The following OSTN variants were observed in gnomAD, a reference collection of about 807,000 sequenced individuals.
OSTN encodes the protein osteocrin.
In OSTN, 9 loss-of-function variants were observed where a neutral mutation model predicts 12.0. The ratio of observed to expected loss-of-function variants is 0.75; its 90% CI spans 0.45 to 1.30. OSTN has a LOEUF of 1.30. Among genes scored for constraint, OSTN ranks in the 50% most tolerant of loss-of-function variants. OSTN has a pLI of 0.00. For missense variants in OSTN, 148 were observed against 152.3 expected, an observed-to-expected ratio of 0.97 and a Z score of 0.15; for synonymous variants, 59 against 56.9, an observed-to-expected ratio of 1.04 and a Z score of -0.16.
In OSTN at chr3:191,264,613, G is replaced by A. The variant is rs1002399837; in HGVS notation, c.*1760G>A. On this transcript the variant is annotated 3_prime_UTR_variant, in exon 5 of 5. Coordinates refer to ENST00000682035, the MANE Select transcript of OSTN (RefSeq NM_198184.2). ...GGGAAGTATCCTGGAGGACTCAGGA[G>A]TTGAAAGAATTATTTAAGAAGTTGT... 3 of 152,146 alleles carry A rather than the reference G, an allele frequency of 2.0e-5. No homozygotes were observed. The highest frequency in any genetic ancestry group is 2.0e-4 in the Admixed American group (3 of 15,280). 9.4% of individuals were successfully genotyped at this position (152,146 alleles called of 1,614,324 possible).
At chr3:191,259,433 C>T (rs1036738767) in intron 4 of OSTN, among the ~76,000 whole-genome samples, 2 of 151,820 alleles carry the variant, frequency 1.3e-5, no homozygotes, top group African/African-American at 4.8e-5. Flanking sequence ...GAACTCGTGA[C>T]ATCATGATCC....
chr3:191,222,629 T>C (rs1576927878), intron 3 of OSTN, among the ~76,000 whole-genome samples: 1 of 152,214 alleles, frequency 6.6e-6, no homozygotes, highest in Admixed American at 6.5e-5. Flanking sequence ...AGTTAAGATT[T>C]TGTGGGACTG....
chr3:191,233,560 C>T (rs891887281), intron 3 of OSTN, among the ~76,000 whole-genome samples: 2 of 152,100 alleles, frequency 1.3e-5, no homozygotes, highest in Non-Finnish European at 2.9e-5. Context: ...CCTCAGCCTA[C>T]CAAGTAGCTG....
intron 2 of OSTN, among the ~76,000 whole-genome samples, chr3:191,216,748 AT>A (rs1714622141): frequency 6.6e-6 from 1 of 152,202 alleles, no homozygotes; most frequent in Non-Finnish European, 1.5e-5. Context: ...GTTCCCAACA[AT>A]TTCCTCATCT....
Position 191,265,486 on chromosome 3 carries a change from C to T in OSTN, c.*2633C>T, listed in dbSNP as rs142577039. The stretch of plus-strand genomic sequence containing the variant: ...CTTAAACCAAATTATGAAAAAATAA[C>T]TTAATGGAATCTTCTAAAAGGAAAA... On this transcript the variant is annotated 3_prime_UTR_variant, in exon 5 of 5. Coordinates refer to ENST00000682035, the MANE Select transcript of OSTN (RefSeq NM_198184.2). 2.0e-5 allele frequency: 3 copies of T among 152,280 alleles called. No homozygotes were observed. The highest frequency in any genetic ancestry group is 4.8e-5 in the African/African-American group (2 of 41,574). 9.4% of individuals were successfully genotyped at this position (152,280 alleles called of 1,614,324 possible).
At chr3:191,219,844 C>G (rs186685442) in intron 3 of OSTN, among the ~76,000 whole-genome samples, 1 of 152,124 alleles carries the variant, frequency 6.6e-6, no homozygotes, top group Non-Finnish European at 1.5e-5. Flanking sequence ...TTCATTAAGG[C>G]TTTTCTAATT....
At chr3:191,210,474 C>T (rs1164549497) in intron 1 of OSTN, among the ~76,000 whole-genome samples, 1 of 152,216 alleles carries the variant, frequency 6.6e-6, no homozygotes, top group Non-Finnish European at 1.5e-5. Flanking sequence ...TATTCTTTCA[C>T]TTACAGATTA....
At chr3:191,240,030 G>A (rs1459946131) in intron 3 of OSTN, among the ~76,000 whole-genome samples, 1 of 152,086 alleles carries the variant, frequency 6.6e-6, no homozygotes, top group African/African-American at 2.4e-5. Flanking sequence ...ATGACATTTT[G>A]TTTACTATAC....
At chr3:191,202,442 C>T (rs561254941) in intron 1 of OSTN, among the ~76,000 whole-genome samples, 4 of 152,128 alleles carry the variant, frequency 2.6e-5, no homozygotes, top group Non-Finnish European at 5.9e-5. Context: ...TTTATATCCC[C>T]AGTATCTGAC....
At chr3:191,240,225 A>G (rs1715287920) in intron 3 of OSTN, among the ~76,000 whole-genome samples, 1 of 152,116 alleles carries the variant, frequency 6.6e-6, no homozygotes, top group African/African-American at 2.4e-5. Flanking sequence ...TTTCCTTCTC[A>G]TCCTTCACAG....
At chr3:191,250,769 A>G (rs906159610) in intron 4 of OSTN, among the ~76,000 whole-genome samples, 8 of 152,180 alleles carry the variant, frequency 5.3e-5, no homozygotes, top group African/African-American at 1.9e-4. Context: ...TGGATACACA[A>G]TACATGCAAG....
In OSTN at chr3:191,212,589, G is replaced by A. The variant is rs755381483; in HGVS notation, c.57G>A (p.Leu19=). 2.5e-6 allele frequency: 4 copies of A among 1,592,654 alleles called. No individual in the cohort carries two copies. The highest frequency in any genetic ancestry group is 3.4e-5 in the Admixed American group (2 of 59,406). ...TCATCCTGGCTGTGACACTGACACTGTGGAGCTCAGGAAAAGTCCTCTCAG... is the reference window on the plus strand; with the variant it reads ...TCATCCTGGCTGTGACACTGACACTATGGAGCTCAGGAAAAGTCCTCTCAG... The part of the protein sequence containing the change: ...AHFILAVTLT[L]WSSGKVLSVD... Residue 19 remains leucine, a synonymous_variant, in exon 2 of 5, where the codon CTG becomes CTA. Transcript: ENST00000682035.
chr3:191,211,512 A>T (rs186421831), intron 1 of OSTN, among the ~76,000 whole-genome samples: 1 of 152,330 alleles, frequency 6.6e-6, no homozygotes, highest in East Asian at 1.9e-4. Context: ...AGTAGTATAC[A>T]CATACCTAGA....
chr3:191,221,088 A>G (rs1403911439), intron 3 of OSTN, among the ~76,000 whole-genome samples: 1 of 152,142 alleles, frequency 6.6e-6, no homozygotes, highest in Non-Finnish European at 1.5e-5. Flanking sequence ...TGGCTTTATA[A>G]GAGGCGTTCT....
chr3:191,255,433 T>C lies in OSTN; in HGVS notation c.*12+5300T>C, dbSNP rs867924326. Among the ~76,000 whole-genome samples, 5 of 152,222 alleles carry C rather than the reference T, an allele frequency of 3.3e-5. No homozygotes were observed. The South Asian group carries it at 8.3e-4, about 25-fold the overall frequency. ...TCCAAGAGGCTTTTTATTGGCTCTA[T>C]AAAGTCAAACTCAATTCCTCAAAGT... On this transcript the variant is annotated intron_variant, in intron 4 of 4. Coordinates refer to ENST00000682035, the MANE Select transcript of OSTN (RefSeq NM_198184.2).
At chr3:191,216,046 C>G (rs930972306) in intron 2 of OSTN, among the ~76,000 whole-genome samples, 2 of 152,226 alleles carry the variant, frequency 1.3e-5, no homozygotes, top group Admixed American at 6.5e-5. Flanking sequence ...GCCTGTACAT[C>G]CAGGTATTTC....
At chr3:191,237,001 C>G (rs560798638) in intron 3 of OSTN, among the ~76,000 whole-genome samples, 6 of 152,122 alleles carry the variant, frequency 3.9e-5, no homozygotes, top group Non-Finnish European at 8.8e-5. Context: ...ACTCCAAGGC[C>G]GTGACTTTCC....
intron 3 of OSTN, among the ~76,000 whole-genome samples, chr3:191,234,281 C>T (rs927268232): frequency 8.2e-4 from 125 of 152,108 alleles, no homozygotes; most frequent in Non-Finnish European, 2.5e-4. Flanking sequence ...AGACTATTTA[C>T]AAAACTCTGG....
At chr3:191,237,881 GCC>G (rs1560121142) in intron 3 of OSTN, among the ~76,000 whole-genome samples, 1 of 152,140 alleles carries the variant, frequency 6.6e-6, no homozygotes, top group Non-Finnish European at 1.5e-5. Context: ...TCCTGTTCAT[GCC>G]CCAGTACAGC....
Sources: gnomAD v4.1 joint callset for allele counts (sites outside exome capture counted in the v4.1 genomes callset) on GRCh38, gnomAD v4.1.1 for gene constraint, MANE v1.5 for transcripts, NCBI Gene and HGNC (gene_info 2026-07-23, HGNC 2026-07-21) for gene names.